The following SUMF1 variants were observed in gnomAD, a reference collection of about 807,000 sequenced individuals.
The protein encoded by SUMF1 is sulfatase modifying factor 1.
SUMF1 carries 48 observed loss-of-function variants against 47.6 expected under a neutral mutation model. The ratio of observed to expected loss-of-function variants is 1.01; its 90% CI spans 0.80 to 1.28. The LOEUF (loss-of-function observed/expected upper bound fraction) is 1.28. Among genes scored for constraint, SUMF1 ranks in the 50% most tolerant of loss-of-function variants. The pLI, the probability that SUMF1 is intolerant of heterozygous loss-of-function variation, is 0.00. For synonymous variants in SUMF1, 230 were observed against 192.1 expected, an observed-to-expected ratio of 1.20 and a Z score of -1.63; for missense variants, 571 against 485.4, an observed-to-expected ratio of 1.18 and a Z score of -1.66.
At chr3:4,058,428 C>G (rs1204388804) in intron 9 of SUMF1, among the ~76,000 whole-genome samples, 2 of 152,010 alleles carry the variant, frequency 1.3e-5, no homozygotes, top group African/African-American at 2.4e-5. Context: ...GAGGAAAAAG[C>G]AGACATTCTG....
rs538325037 is a variant in SUMF1 at position 4,296,593 on chromosome 3, T to C, written c.1014+79737A>G. Among the ~76,000 whole-genome samples, 89 of 152,130 alleles carry C rather than the reference T, an allele frequency of 5.9e-4. 1 individual carries two copies. Among genetic ancestry groups the C allele is most frequent in the Non-Finnish European group, 1.2e-3 (84 of 67,972 alleles). On this transcript the variant is annotated intron_variant and NMD_transcript_variant, in intron 8 of 12. Transcript: ENST00000448413. ...ACTGCCCTTTTATAAAACCATCAGA[T>C]CTCATGAGACTTACTCACTATCAGG...
At chr3:4,260,049 T>C (rs928907927) in intron 8 of SUMF1, among the ~76,000 whole-genome samples, 2 of 151,804 alleles carry the variant, frequency 1.3e-5, no homozygotes, top group Non-Finnish European at 2.9e-5. Context: ...AGTAATGATC[T>C]AGTTCAATAA....
chr3:4,201,389 T>C (rs1383870930), intron 8 of SUMF1, among the ~76,000 whole-genome samples: 1 of 152,124 alleles, frequency 6.6e-6, no homozygotes, highest in African/African-American at 2.4e-5. Context: ...AGTGAGAATA[T>C]GTGAAGTTGG....
intron 3 of SUMF1, among the ~76,000 whole-genome samples, chr3:4,425,114 A>G (rs1311519756): frequency 6.6e-6 from 1 of 152,204 alleles, no homozygotes; most frequent in Non-Finnish European, 1.5e-5. Flanking sequence ...AGGGAAAAAA[A>G]GATTACTCTT....
At chr3:4,147,807 C>T (rs1248088895) in intron 8 of SUMF1, among the ~76,000 whole-genome samples, 3 of 152,086 alleles carry the variant, frequency 2.0e-5, no homozygotes, top group African/African-American at 4.8e-5. Context: ...TCATATCAAT[C>T]GGAGATGGAA....
chr3:4,320,609 A>C (rs1257267010), intron 8 of SUMF1, among the ~76,000 whole-genome samples: 6 of 152,210 alleles, frequency 3.9e-5, no homozygotes, highest in Non-Finnish European at 7.3e-5. Context: ...CATGGTGAAC[A>C]AAGATTGTCT....
intron 8 of SUMF1, among the ~76,000 whole-genome samples, chr3:4,234,779 T>C (rs915625569): frequency 1.3e-5 from 2 of 152,042 alleles, no homozygotes; most frequent in Non-Finnish European, 2.9e-5. Flanking sequence ...GGGGGAACTA[T>C]TCCAGGCCAA....
intron 8 of SUMF1, among the ~76,000 whole-genome samples, chr3:4,363,087 T>C (rs888981513): frequency 2.0e-5 from 3 of 152,204 alleles, no homozygotes; most frequent in African/African-American, 4.8e-5. Context: ...TCATGTTTCC[T>C]ATATGAAACC....
At chr3:4,326,165 C>T (rs1698940845) in intron 8 of SUMF1, among the ~76,000 whole-genome samples, 3 of 152,144 alleles carry the variant, frequency 2.0e-5, no homozygotes, top group African/African-American at 7.2e-5. Context: ...TTTATTTTTA[C>T]CAAAGACAAG....
chr3:4,208,385 C>A (rs954004955), intron 8 of SUMF1, among the ~76,000 whole-genome samples: 2 of 149,248 alleles, frequency 1.3e-5, no homozygotes, highest in African/African-American at 4.9e-5. Flanking sequence ...CGCTACTTTA[C>A]TAAAGGCCTA....
At position 4,381,377 on chromosome 3, in the gene SUMF1, G is replaced by A. The variant is rs187543892; in HGVS notation, c.955-4988C>T. 2.8e-3 allele frequency among the ~76,000 whole-genome samples: 426 copies of A among 152,244 alleles called. 4 individuals carry two copies. The highest frequency in any genetic ancestry group is 9.6e-3 in the African/African-American group (398 of 41,534). On this transcript the variant is annotated intron_variant, in intron 7 of 8. Transcript: ENST00000272902. Reference sequence around the variant, plus strand: ...GGTGACGGATAAAAGGCTACAAATCGGGTGCAGTGTGCACTGCTCGGGTGG... The same window carrying A: ...GGTGACGGATAAAAGGCTACAAATCAGGTGCAGTGTGCACTGCTCGGGTGG...
chr3:4,137,123 T>C (rs567003950), intron 8 of SUMF1, among the ~76,000 whole-genome samples: 44 of 152,200 alleles, frequency 2.9e-4, no homozygotes, highest in African/African-American at 1.0e-3. Flanking sequence ...CAATACTGGG[T>C]ATATACCCAA....
At chr3:4,362,891 G>C (rs1374334797) in intron 8 of SUMF1, among the ~76,000 whole-genome samples, 1 of 152,024 alleles carries the variant, frequency 6.6e-6, no homozygotes, top group African/African-American at 2.4e-5. Context: ...TAAAGCCTGG[G>C]TGACAGAGCA....
At chr3:4,310,374 G>A (rs971269717) in intron 8 of SUMF1, among the ~76,000 whole-genome samples, 1 of 152,154 alleles carries the variant, frequency 6.6e-6, no homozygotes, top group Admixed American at 6.5e-5. Flanking sequence ...CTTGAGTGTA[G>A]TCATTTTTTA....
chr3:4,326,691 T>C (rs1413815585), intron 8 of SUMF1, among the ~76,000 whole-genome samples: 2 of 151,974 alleles, frequency 1.3e-5, no homozygotes, highest in African/African-American at 4.8e-5. Context: ...ATAATTTTTT[T>C]TGTATTTTTA....
intron 8 of SUMF1, among the ~76,000 whole-genome samples, chr3:4,195,995 A>G (rs1046717980): frequency 6.6e-6 from 1 of 152,146 alleles, no homozygotes; most frequent in Non-Finnish European, 1.5e-5. Context: ...GAAATTATAT[A>G]TAATAATTTA....
chr3:4,410,950 C>G lies in SUMF1; in HGVS notation c.869G>C (p.Gly290Ala), dbSNP rs199525184. 5.6e-6 allele frequency: 9 copies of G among 1,614,028 alleles called. No individual in the cohort carries two copies. The East Asian group carries it at 2.0e-4, about 36-fold the overall frequency. Reference protein sequence around the residue: ...PVDAFPPNGYGLYNIVGNAWE... With the variant: ...PVDAFPPNGYALYNIVGNAWE... ...TGCGTTCCCCACTATGTTGTATAAG[C>G]CATAACCATTGGGAGGGAAGGCATC... The change falls in exon 7 of 9, where the codon GGC becomes GCC. Residue 290 changes from glycine to alanine, a missense_variant. By Grantham distance (60) the Gly-to-Ala change is moderately conservative. Coordinates refer to ENST00000272902, the MANE Select transcript of SUMF1 (RefSeq NM_182760.4).
At chr3:4,446,596 G>C (rs1247119655) in intron 3 of SUMF1, among the ~76,000 whole-genome samples, 1 of 152,182 alleles carries the variant, frequency 6.6e-6, no homozygotes, top group South Asian at 2.1e-4. Context: ...AAAAGAAGAA[G>C]CACCAGACAT....
intron 8 of SUMF1, among the ~76,000 whole-genome samples, chr3:4,222,487 A>G (rs1175735269): frequency 2.0e-5 from 3 of 152,060 alleles, no homozygotes; most frequent in Non-Finnish European, 4.4e-5. Flanking sequence ...TCTCCATTCA[A>G]TCGCTGGTAC....
Sources: allele counts gnomAD v4.1 joint callset (sites outside exome capture counted in the v4.1 genomes callset), GRCh38; gene constraint gnomAD v4.1.1; transcripts MANE v1.5; gene names NCBI Gene and HGNC (gene_info 2026-07-23, HGNC 2026-07-21).